Variants in SYNE2 observed in about 807,000 individuals in gnomAD.
SYNE2 encodes the protein spectrin repeat containing nuclear envelope protein 2.
Under a neutral mutation model 856.3 loss-of-function variants are expected in SYNE2, and 431 were observed. That is an observed-to-expected ratio of 0.50 (90% CI 0.47 to 0.55). SYNE2 has a LOEUF of 0.55. Among genes scored for constraint, SYNE2 ranks in the 20% least tolerant of loss-of-function variants. The pLI is 0.00. For missense variants in SYNE2, 8,129 were observed against 8,023.2 expected (o/e 1.01, Z -0.50); for synonymous variants, 2,923 against 2,872.3 (o/e 1.02, Z -0.56).
intron 1 of SYNE2, among the ~76,000 whole-genome samples, chr14:63,820,189 A>G (rs567999838): frequency 5.3e-5 from 8 of 152,302 alleles, no homozygotes; most frequent in African/African-American, 1.4e-4. Context: ...ATTCATTACA[A>G]ATTCATGGAA....
At chr14:64,007,248 G>T (rs371701220) in intron 31 of SYNE2, 26 bp downstream of exon 31, 20 of 1,609,528 alleles carry the variant, frequency 1.2e-5, no homozygotes, top group East Asian at 4.5e-5. Context: ...AATCCCTCTT[G>T]AATCTGAAAA....
chr14:64,222,370 T>C (rs2098698544), intron 112 of SYNE2, among the ~76,000 whole-genome samples: 1 of 152,236 alleles, frequency 6.6e-6, no homozygotes, highest in Non-Finnish European at 1.5e-5. Flanking sequence ...TTAAAGCACC[T>C]GAAATGTGGC....
chr14:64,150,525 T>G (rs1595858066), intron 84 of SYNE2, among the ~76,000 whole-genome samples: 1 of 150,888 alleles, frequency 6.6e-6, no homozygotes, highest in East Asian at 1.9e-4. Context: ...CCGGCATGGC[T>G]GTTGTTTATG....
At chr14:63,986,979 C>T (rs532211120) in intron 19 of SYNE2, among the ~76,000 whole-genome samples, 1 of 152,120 alleles carries the variant, frequency 6.6e-6, no homozygotes, top group Non-Finnish European at 1.5e-5. Context: ...TCAGGCTGGG[C>T]GCGGTGGCTC....
chr14:63,886,004 CCCT>C (rs764122941), intron 1 of SYNE2, among the ~76,000 whole-genome samples: 1 of 152,186 alleles, frequency 6.6e-6, no homozygotes, highest in Non-Finnish European at 1.5e-5. Context: ...CGGCCTTCCT[CCCT>C]CCCTCTTTTG....
intron 1 of SYNE2, among the ~76,000 whole-genome samples, chr14:63,877,875 C>CT (rs35343922): frequency 0.56 from 82,472 of 147,908 alleles, 23,364 homozygotes; most frequent in South Asian, 0.68. Context: ...ATTAGCTACA[C>CT]TTTTTTTTTT....
rs745734657 is a variant in SYNE2, at chr14:64,055,963, A to G, written c.9764A>G (p.Tyr3255Cys). 1.9e-6 allele frequency: 3 copies of G among 1,613,874 alleles called. No individual in the cohort carries two copies. In the East Asian group the frequency reaches 6.7e-5, roughly 36 times the overall value. Residue 3255 changes from tyrosine to cysteine, a missense_variant, in exon 49 of 116, where the codon TAT (tyrosine) becomes TGT (cysteine). Physicochemically the swap from Tyr to Cys is radical, Grantham distance 194. This residue lies in a region of SYNE2 where 5,410 missense variants were observed against 5,284.8 expected (regional missense o/e 1.02). Coordinates refer to ENST00000555002, the MANE Select transcript of SYNE2 (RefSeq NM_182914.3). ...DLRTNVLNDA[Y>C]ENLTRYKEAV... Reference sequence around the variant, plus strand: ...CACTAGAATGTCTTGAATGATGCTTATGAAAATCTAACACGCTATAAAGAA... The same window carrying G: ...CACTAGAATGTCTTGAATGATGCTTGTGAAAATCTAACACGCTATAAAGAA...
Position 64,151,648 on chromosome 14 carries a change from C to T in SYNE2, c.15640-916C>T, listed in dbSNP as rs79965702. Among the ~76,000 whole-genome samples, 1,294 of 152,008 alleles carry T rather than the reference C, an allele frequency of 8.5e-3. 13 individuals carry two copies. The highest frequency in any genetic ancestry group is 0.029 in the African/African-American group (1,192 of 41,448). On this transcript the variant is annotated intron_variant, in intron 84 of 115. Coordinates refer to ENST00000555002, the MANE Select transcript of SYNE2 (RefSeq NM_182914.3). ...GAGCTAAGGGTCGTTATCTTGAGGCCATGCATTCAGAACACATGCATCTGG... is the reference window on the plus strand; with the variant it reads ...GAGCTAAGGGTCGTTATCTTGAGGCTATGCATTCAGAACACATGCATCTGG...
intron 1 of SYNE2, among the ~76,000 whole-genome samples, chr14:63,790,936 C>T (rs1489338242): frequency 6.6e-6 from 1 of 151,890 alleles, no homozygotes; most frequent in Admixed American, 6.6e-5. Context: ...CCCCTGATTC[C>T]TATGTCTGAA....
At chr14:63,802,966 A>T (rs1888207244) in intron 1 of SYNE2, among the ~76,000 whole-genome samples, 1 of 152,166 alleles carries the variant, frequency 6.6e-6, no homozygotes, top group Admixed American at 6.5e-5. Flanking sequence ...AGGAAGATTT[A>T]TTGCAAAGAG....
intron 57 of SYNE2, among the ~76,000 whole-genome samples, chr14:64,086,742 C>G (rs1158133052): frequency 9.2e-6 from 1 of 109,154 alleles, no homozygotes; most frequent in Admixed American, 1.5e-4. Context: ...TGGTGTCTTG[C>G]TCTGTCACCC....
At chr14:64,224,903 G>T in intron 114 of SYNE2, 96 bp from the exon 115 acceptor site, 7 of 1,151,896 alleles carry the variant, frequency 6.1e-6, no homozygotes, top group Non-Finnish European at 9.0e-6. Context: ...ACAACATAAA[G>T]GTGGTATATA....
chr14:63,929,769 C>CG (rs2095721694), intron 2 of SYNE2, among the ~76,000 whole-genome samples: 1 of 127,038 alleles, frequency 7.9e-6, no homozygotes, highest in Admixed American at 8.0e-5. Flanking sequence ...GAAACTGTCT[C>CG]AAAAAAAAAA....
At chr14:63,945,081 A>G (rs2096003550) in intron 6 of SYNE2, among the ~76,000 whole-genome samples, 2 of 142,376 alleles carry the variant, frequency 1.4e-5, no homozygotes, top group South Asian at 4.5e-4. Flanking sequence ...TTGGGTTTAT[A>G]GGCATGAGCC....
chr14:64,216,537 C>A, intron 108 of SYNE2, 150 bp downstream of exon 108: 1 of 888,058 alleles, frequency 1.1e-6, no homozygotes, highest in Non-Finnish European at 1.8e-6. Context: ...CTCTGTTGAG[C>A]TGTCCATACT....
chr14:63,978,741 T>C lies in SYNE2; in HGVS notation c.1407-111T>C, dbSNP rs866830822. The C allele has an allele frequency of 1.3e-4, 113 of 860,960 alleles. No homozygotes were observed. In the Middle Eastern group the frequency reaches 1.4e-3, roughly 11 times the overall value. 53.3% of individuals were successfully genotyped at this position (860,960 alleles called of 1,614,324 possible). ...AAGACAATGATACATCTGAGTTCCA[T>C]GTGCTTAAAAGAAAAAGTTAAAGCC... On this transcript the variant is annotated intron_variant, in intron 13 of 115. Coordinates refer to ENST00000555002, the MANE Select transcript of SYNE2 (RefSeq NM_182914.3).
chr14:63,974,888 GTGTGTATATA>G (rs2096526270), intron 11 of SYNE2, among the ~76,000 whole-genome samples: 7 of 26,462 alleles, frequency 2.6e-4, no homozygotes, highest in Admixed American at 8.9e-4. Flanking sequence ...GTGTGTGTGT[GTGTGTATATA>G]TATATATATA....
chr14:64,142,003 A>T lies in SYNE2; in HGVS notation c.15221A>T (p.Asn5074Ile), dbSNP rs2098142678. ...ACAGAAATGATTAGCTGGATGAACA[A>T]TGTGGAGCATCAAACTTCAGATGAA... ...AITEMISWMN[N>I]VEHQTSDEDS... Residue 5074 changes from asparagine to isoleucine, a missense_variant, in exon 82 of 116, where the codon AAT (asparagine) becomes ATT (isoleucine). Physicochemically the swap from Asn to Ile is moderately radical, Grantham distance 149 (BLOSUM62 -3). Around this residue, in one of 3 missense-constraint regions of SYNE2, gnomAD observed 5,410 missense variants for 5,284.8 expected, o/e 1.02. Transcript: ENST00000555002. 3 of 1,614,176 alleles carry T rather than the reference A, an allele frequency of 1.9e-6. No individual in the cohort carries two copies. The highest frequency in any genetic ancestry group is 2.5e-6 in the Non-Finnish European group (3 of 1,180,018).
At chr14:63,959,485 AGG>A (rs1566912638) in intron 8 of SYNE2, among the ~76,000 whole-genome samples, 2 of 151,382 alleles carry the variant, frequency 1.3e-5, no homozygotes, top group East Asian at 1.9e-4. Context: ...TTTAGTAGAG[AGG>A]GGGTTTCGCC....
Sources: gnomAD v4.1 joint callset for allele counts (sites outside exome capture counted in the v4.1 genomes callset) on GRCh38, gnomAD v4.1.1 for gene constraint, gnomAD v4.1.1 regional missense constraint, MANE v1.5 for transcripts, NCBI Gene and HGNC (gene_info 2026-07-23, HGNC 2026-07-21) for gene names.